SLIT3: variants seen among roughly 807,000 people sequenced by gnomAD.
SLIT3 encodes the protein slit homolog 3 protein.
In SLIT3, 68 loss-of-function variants were observed where a neutral mutation model predicts 184.0. The ratio of observed to expected loss-of-function variants is 0.37; its 90% CI spans 0.30 to 0.45. The LOEUF is 0.45. Ranked by LOEUF, SLIT3 falls within the 20% of genes least tolerant of loss-of-function variation. SLIT3 has a pLI of 1.00. For missense variants in SLIT3, 1,707 were observed against 2,026.0 expected (o/e 0.84, Z 3.02); for synonymous variants, 831 against 828.6 (o/e 1.00, Z -0.05).
chr5:168,752,808 C>T lies in SLIT3; in HGVS notation c.1973+147G>A, dbSNP rs1754761268. On this transcript the variant is annotated intron_variant, in intron 18 of 35. Transcript: ENST00000519560. ...TGCAGCCTCAACACCTAGACGATGC[C>T]TGCCTGGCACATACAGAAAGCCTGA... The T allele has an allele frequency of 5.4e-6, 4 of 740,988 alleles. No individual in the cohort carries two copies. In the South Asian group the frequency reaches 7.3e-5, roughly 14 times the overall value. 45.9% of individuals were successfully genotyped at this position (740,988 alleles called of 1,614,324 possible). A position where few individuals can be genotyped will look rare whatever the true frequency, so the allele number is the denominator to read the frequency against.
chr5:168,959,220 C>G (rs529720394), intron 4 of SLIT3, among the ~76,000 whole-genome samples: 1 of 152,336 alleles, frequency 6.6e-6, no homozygotes, highest in East Asian at 1.9e-4. Flanking sequence ...GCTCTGATGC[C>G]AACTTGTGAC....
chr5:169,243,975 G>A lies in SLIT3; in HGVS notation c.341+730C>T, dbSNP rs1035147813. Among the ~76,000 whole-genome samples, 4 of 152,358 alleles carry A rather than the reference G, an allele frequency of 2.6e-5. 1 individual carries two copies. In the East Asian group the frequency reaches 5.8e-4, roughly 22 times the overall value. On this transcript the variant is annotated intron_variant, in intron 3 of 35. Transcript: ENST00000519560. ...TGCCAGATGTGATTAACAGAAGAAA[G>A]GTGAAGTTGCCTACTTAACCATCTG...
intron 4 of SLIT3, among the ~76,000 whole-genome samples, chr5:169,096,875 G>A (rs563019373): frequency 1.3e-5 from 2 of 152,286 alleles, no homozygotes; most frequent in African/African-American, 2.4e-5. Context: ...TTCCCAGGTA[G>A]CGTGACTCCA....
chr5:168,768,074 A>T lies in SLIT3; in HGVS notation c.1459+4707T>A, dbSNP rs187865222. 110 of 393,686 alleles carry T rather than the reference A, an allele frequency of 2.8e-4. 1 individual carries two copies. The highest frequency in any genetic ancestry group is 1.9e-3 in the African/African-American group (93 of 48,432). 24.4% of individuals were successfully genotyped at this position (393,686 alleles called of 1,614,324 possible). On this transcript the variant is annotated intron_variant, in intron 14 of 35. Transcript: ENST00000519560. ...TGAGACTGGGAGAGGTGGGTCTGGC[A>T]GGTGGTGGGCTGCGGTGCTCCAGAG...
intron 4 of SLIT3, among the ~76,000 whole-genome samples, chr5:169,045,156 CA>C (rs1164118235): frequency 6.6e-6 from 1 of 152,242 alleles, no homozygotes; most frequent in East Asian, 1.9e-4. Context: ...CAGAAGACGA[CA>C]ATGCATTCCT....
chr5:168,848,694 G>T (rs369713973), intron 5 of SLIT3, among the ~76,000 whole-genome samples: 1 of 152,090 alleles, frequency 6.6e-6, no homozygotes, highest in South Asian at 2.1e-4. Context: ...CAGACTCCCC[G>T]AGAGCAGCTT....
At chr5:168,824,157 A>G (rs940651117) in intron 6 of SLIT3, among the ~76,000 whole-genome samples, 3 of 152,174 alleles carry the variant, frequency 2.0e-5, no homozygotes, top group Non-Finnish European at 4.4e-5. Context: ...GGCTGGGCTC[A>G]AACTCCTTGA....
At position 168,723,003 on chromosome 5, in the gene SLIT3, CACTAGGAAAAGTAAA is replaced by C; in HGVS notation, c.2340-14_2340del. On this transcript the variant is annotated splice_acceptor_variant and splice_polypyrimidine_tract_variant and coding_sequence_variant and intron_variant, in exon 22 of 36. Transcript: ENST00000519560. LOFTEE classifies it high-confidence loss of function. ...ATGCTGATGCTGTTGTTGCTCAGGT[CACTAGGAAAAGTAAA>C]ACAGAGGGGTCATGCTTTTGTCTTA... The C allele has an allele frequency of 6.2e-7, 1 of 1,613,526 alleles. No individual in the cohort carries two copies. Among genetic ancestry groups the C allele is most frequent in the Non-Finnish European group, 8.5e-7 (1 of 1,179,486 alleles).
intron 6 of SLIT3, among the ~76,000 whole-genome samples, chr5:168,832,232 G>A (rs1026478071): frequency 6.6e-6 from 1 of 152,246 alleles, no homozygotes; most frequent in Non-Finnish European, 1.5e-5. Context: ...GTCCACAGAT[G>A]CAAGAGTGAC....
intron 9 of SLIT3, among the ~76,000 whole-genome samples, chr5:168,802,263 C>T (rs61247931): frequency 0.032 from 4,862 of 152,088 alleles, 137 homozygotes; most frequent in African/African-American, 0.076. Context: ...CTCATCTTCC[C>T]ACCCATCTGC....
chr5:168,742,261 C>G (rs1270285465), intron 20 of SLIT3, among the ~76,000 whole-genome samples: 1 of 150,030 alleles, frequency 6.7e-6, no homozygotes, highest in Non-Finnish European at 1.5e-5. Flanking sequence ...TAGCCCAGTG[C>G]TCTTTCTACC....
intron 4 of SLIT3, among the ~76,000 whole-genome samples, chr5:169,156,829 A>G (rs1762323851): frequency 6.6e-6 from 1 of 152,220 alleles, no homozygotes; most frequent in African/African-American, 2.4e-5. Flanking sequence ...AGCATTATAC[A>G]AAACAAACAC....
At chr5:169,004,735 G>A (rs1755850332) in intron 4 of SLIT3, among the ~76,000 whole-genome samples, 1 of 152,070 alleles carries the variant, frequency 6.6e-6, no homozygotes, top group Non-Finnish European at 1.5e-5. Context: ...GTATAGATGA[G>A]GTCATGAAGA....
At chr5:168,988,979 G>T (rs1317766878) in intron 4 of SLIT3, among the ~76,000 whole-genome samples, 2 of 152,220 alleles carry the variant, frequency 1.3e-5, no homozygotes, top group Middle Eastern at 3.2e-3. Flanking sequence ...TCCTGCTAAA[G>T]CAAACTCCTG....
chr5:169,222,923 C>G (rs1253798593), intron 3 of SLIT3, among the ~76,000 whole-genome samples: 1 of 152,144 alleles, frequency 6.6e-6, no homozygotes, highest in African/African-American at 2.4e-5. Flanking sequence ...TGGGAGTTCA[C>G]TCAACAAGGA....
At chr5:168,718,471 C>CA (rs1045774784) in intron 23 of SLIT3, among the ~76,000 whole-genome samples, 8 of 152,166 alleles carry the variant, frequency 5.3e-5, no homozygotes, top group African/African-American at 9.7e-5. Context: ...CACACGCATA[C>CA]AAGGCATGTG....
chr5:169,022,741 T>C (rs1246403926), intron 4 of SLIT3: 1 of 152,126 alleles, frequency 6.6e-6, no homozygotes, highest in Non-Finnish European at 1.5e-5. Flanking sequence ...CTCATGGTTT[T>C]AGATGAAACT....
intron 4 of SLIT3, among the ~76,000 whole-genome samples, chr5:168,925,961 G>A (rs1168138022): frequency 6.6e-6 from 1 of 152,214 alleles, no homozygotes; most frequent in Non-Finnish European, 1.5e-5. Context: ...AATCTCCACT[G>A]TTTGTTTCAG....
intron 20 of SLIT3, 85 bp from the exon 21 acceptor site, chr5:168,724,569 A>C: frequency 2.8e-6 from 3 of 1,056,940 alleles, no homozygotes; most frequent in Non-Finnish European, 4.2e-6. Flanking sequence ...CTGACTTTCC[A>C]GGCTGGATTA....
Sources: gnomAD v4.1 joint callset for allele counts (sites outside exome capture counted in the v4.1 genomes callset) on GRCh38, gnomAD v4.1.1 for gene constraint, MANE v1.5 for transcripts, NCBI Gene and HGNC (gene_info 2026-07-23, HGNC 2026-07-21) for gene names.